The following MDFIC2 variants were observed in gnomAD, a reference collection of about 807,000 sequenced individuals.
MDFIC2 encodes myoD family inhibitor domain-containing protein 2.
At chr3:70,210,870 A>G (rs1018429516) in intron 2 of MDFIC2, among the ~76,000 whole-genome samples, 1 of 152,148 alleles carries the variant, frequency 6.6e-6, no homozygotes, top group Non-Finnish European at 1.5e-5. Context: ...GAGAAAAGAT[A>G]GACAGCTAGT....
chr3:70,205,193 C>T (rs1380997221), intron 3 of MDFIC2: 2 of 152,096 alleles, frequency 1.3e-5, no homozygotes, highest in African/African-American at 4.8e-5. Flanking sequence ...TCTGGATTTT[C>T]TTGGAAAACT....
At position 70,218,659 on chromosome 3, in the gene MDFIC2, C is replaced by A. The variant is rs377027744; in HGVS notation, c.89-11869G>T. The stretch of plus-strand genomic sequence containing the variant: ...ACTTGGGTGGCATAACACCTCCCAG[C>A]AGAACTATTCCTGACAAGGATGTGC... On this transcript the variant is annotated intron_variant, in intron 2 of 3. Coordinates refer to ENST00000567252, the MANE Select transcript of MDFIC2 (RefSeq NM_001364677.1). 2.6e-5 allele frequency among the ~76,000 whole-genome samples: 4 copies of A among 152,120 alleles called. No individual in the cohort carries two copies. In the East Asian group the frequency reaches 7.8e-4, roughly 30 times the overall value.
Position 70,196,312 on chromosome 3 carries a change from T to A in MDFIC2, c.*614A>T, listed in dbSNP as rs1469740292. Among the ~76,000 whole-genome samples, 1 of 152,210 alleles carries A rather than the reference T, an allele frequency of 6.6e-6. No homozygotes were observed. Among genetic ancestry groups the A allele is most frequent in the African/African-American group, 2.4e-5 (1 of 41,458 alleles). On this transcript the variant is annotated 3_prime_UTR_variant, in exon 4 of 4. Transcript: ENST00000567252. ...TCTTGAAGTACACCATATTCAAAAT[T>A]CACTGGAGATGTTTTAGAGACATCT...
chr3:70,210,352 C>G (rs1701331271), intron 2 of MDFIC2, among the ~76,000 whole-genome samples: 1 of 151,946 alleles, frequency 6.6e-6, no homozygotes, highest in South Asian at 2.1e-4. Flanking sequence ...TTTCTCATTC[C>G]TCAGTGGGAA....
At chr3:70,309,862 A>C (rs1191007651) in intron 2 of MDFIC2, among the ~76,000 whole-genome samples, 16 of 152,212 alleles carry the variant, frequency 1.1e-4, no homozygotes, top group African/African-American at 3.9e-4. Flanking sequence ...GATTTTATAG[A>C]TTACAAGAAT....
At chr3:70,213,915 A>C (rs1287892308) in intron 2 of MDFIC2, among the ~76,000 whole-genome samples, 1 of 152,124 alleles carries the variant, frequency 6.6e-6, no homozygotes, top group Non-Finnish European at 1.5e-5. Context: ...AAAATTAGGA[A>C]GAGGAAGATT....
At chr3:70,213,271 A>G (rs1701368211) in intron 2 of MDFIC2, among the ~76,000 whole-genome samples, 2 of 152,010 alleles carry the variant, frequency 1.3e-5, no homozygotes, top group Admixed American at 6.6e-5. Context: ...TACAAATTCT[A>G]TTGCCAAGTT....
chr3:70,196,299 C>A lies in MDFIC2; in HGVS notation c.*627G>T, dbSNP rs79024474. 3.3e-3 allele frequency among the ~76,000 whole-genome samples: 495 copies of A among 152,182 alleles called. 4 individuals carry two copies. Among genetic ancestry groups the A allele is most frequent in the African/African-American group, 0.012 (481 of 41,522 alleles). On this transcript the variant is annotated 3_prime_UTR_variant, in exon 4 of 4. Coordinates refer to ENST00000567252, the MANE Select transcript of MDFIC2 (RefSeq NM_001364677.1). ...AATTATAGTACTCTCTTGAAGTACACCATATTCAAAATTCACTGGAGATGT... is the reference window on the plus strand; with the variant it reads ...AATTATAGTACTCTCTTGAAGTACAACATATTCAAAATTCACTGGAGATGT...
chr3:70,250,220 T>C (rs1701747957), intron 2 of MDFIC2, among the ~76,000 whole-genome samples: 1 of 152,180 alleles, frequency 6.6e-6, no homozygotes. Context: ...GTTGGGCCTC[T>C]TAATTCTTCT....
intron 2 of MDFIC2, among the ~76,000 whole-genome samples, chr3:70,286,908 G>C (rs1046048124): frequency 3.3e-5 from 5 of 151,786 alleles, no homozygotes; most frequent in African/African-American, 1.2e-4. Flanking sequence ...CATTGATTTT[G>C]TATCCTGAGA....
chr3:70,258,238 A>G (rs1240489139), intron 2 of MDFIC2, among the ~76,000 whole-genome samples: 1 of 152,168 alleles, frequency 6.6e-6, no homozygotes, highest in African/African-American at 2.4e-5. Flanking sequence ...GGTGGGCAAC[A>G]ATTTCTTAGA....
At chr3:70,292,803 A>G (rs73102691) in intron 2 of MDFIC2, among the ~76,000 whole-genome samples, 13,238 of 152,000 alleles carry the variant, frequency 0.087, 688 homozygotes, top group South Asian at 0.13. Flanking sequence ...TACACAATGA[A>G]ATTGCAATAA....
chr3:70,285,585 G>A (rs1219131585), intron 2 of MDFIC2, among the ~76,000 whole-genome samples: 1 of 151,692 alleles, frequency 6.6e-6, no homozygotes, highest in Non-Finnish European at 1.5e-5. Context: ...TAATGGGATG[G>A]CTGTGTCAAA....
rs1387852919 is a variant in MDFIC2, at chr3:70,221,653, C to G, written c.89-14863G>C. 2.6e-5 allele frequency among the ~76,000 whole-genome samples: 4 copies of G among 152,112 alleles called. No individual in the cohort carries two copies. In the East Asian group the frequency reaches 7.7e-4, roughly 29 times the overall value. On this transcript the variant is annotated intron_variant, in intron 2 of 3. Transcript: ENST00000567252. ...GATTTTGGAAACCAGTATAATTCCCCTGAATGACAAGTGACTGGTCAATGA... is the reference window on the plus strand; with the variant it reads ...GATTTTGGAAACCAGTATAATTCCCGTGAATGACAAGTGACTGGTCAATGA...
intron 2 of MDFIC2, among the ~76,000 whole-genome samples, chr3:70,273,958 G>A (rs1030564171): frequency 6.6e-6 from 1 of 151,806 alleles, no homozygotes; most frequent in African/African-American, 2.4e-5. Context: ...CACTGCACCC[G>A]GCCCAGAATT....
rs576901318 is a variant in MDFIC2, at chr3:70,197,772, C to T, written c.311-587G>A. Among the ~76,000 whole-genome samples, 28 of 152,242 alleles carry T rather than the reference C, an allele frequency of 1.8e-4. No individual in the cohort carries two copies. In the South Asian group the frequency reaches 5.8e-3, roughly 32 times the overall value. ...GTGTTTTATTTTTAATCTCTGTTTC[C>T]GTTTCCCTCCAGTTATGTAAAGCCT... is the stretch of plus-strand genomic sequence containing the variant. On this transcript the variant is annotated intron_variant, in intron 3 of 3. Coordinates refer to ENST00000567252, the MANE Select transcript of MDFIC2 (RefSeq NM_001364677.1).
At chr3:70,204,198 A>G (rs1242245812) in intron 3 of MDFIC2, among the ~76,000 whole-genome samples, 1 of 152,178 alleles carries the variant, frequency 6.6e-6, no homozygotes, top group Non-Finnish European at 1.5e-5. Flanking sequence ...TTGAAAATAA[A>G]TTAGCCACAA....
chr3:70,273,471 C>G (rs553683473), intron 2 of MDFIC2, among the ~76,000 whole-genome samples: 1 of 152,076 alleles, frequency 6.6e-6, no homozygotes, highest in Non-Finnish European at 1.5e-5. Context: ...CTCAGGAGAT[C>G]GTCCAGAAAA....
intron 2 of MDFIC2, among the ~76,000 whole-genome samples, chr3:70,300,872 C>G (rs113173493): frequency 6.6e-6 from 1 of 152,044 alleles, no homozygotes; most frequent in South Asian, 2.1e-4. Context: ...TATTCATGTC[C>G]TATAAACACA....
Sources: gnomAD v4.1 joint callset for allele counts (sites outside exome capture counted in the v4.1 genomes callset) on GRCh38, gnomAD v4.1.1 for gene constraint, MANE v1.5 for transcripts, NCBI Gene and HGNC (gene_info 2026-07-23, HGNC 2026-07-21) for gene names.